CACNG2: variants seen among roughly 807,000 people sequenced by gnomAD.
CACNG2 encodes calcium voltage-gated channel auxiliary subunit gamma 2.
Under a neutral mutation model 25.9 loss-of-function variants are expected in CACNG2, and 3 were observed. The ratio of observed to expected loss-of-function variants is 0.12; its 90% confidence interval spans 0.05 to 0.30. The LOEUF (loss-of-function observed/expected upper bound fraction) is 0.30. Among genes scored for constraint, CACNG2 ranks in the 10% least tolerant of loss-of-function variants. The pLI, the probability that CACNG2 is intolerant of heterozygous loss-of-function variation, is 1.00. For missense variants in CACNG2, 341 were observed against 432.5 expected, an observed-to-expected ratio of 0.79 and a Z score of 1.88; for synonymous variants, 167 against 173.3, an observed-to-expected ratio of 0.96 and a Z score of 0.29.
chr22:36,610,227 A>G (rs1935917408), intron 1 of CACNG2, among the ~76,000 whole-genome samples: 1 of 150,784 alleles, frequency 6.6e-6, no homozygotes, highest in Non-Finnish European at 1.5e-5. Flanking sequence ...GTGATTGGGC[A>G]GGAATCAGCT....
intron 2 of CACNG2, among the ~76,000 whole-genome samples, chr22:36,568,321 G>A (rs910435063): frequency 1.3e-5 from 2 of 148,950 alleles, no homozygotes; most frequent in African/African-American, 5.2e-5. Flanking sequence ...CTTTTGGGTG[G>A]GAGTGTGTTC....
rs2145903866 is a variant in CACNG2 at position 36,564,888 on chromosome 22, TGCGGG to T, written c.437-7_437-3del. On this transcript the variant is annotated splice_region_variant and splice_polypyrimidine_tract_variant and intron_variant, in intron 3 of 3. Coordinates refer to ENST00000300105, the MANE Select transcript of CACNG2 (RefSeq NM_006078.5). This position sits in a 1 kb window ranked among gnomAD's most constrained non-coding sequence, Gnocchi z 6.7. ...TGATGCCAATGATGTTACTCAGACCTGCGGGGCGCAGGGTGGCGGGGTGGGGGATC... is the reference window on the plus strand; with the variant it reads ...TGATGCCAATGATGTTACTCAGACCTGCGCAGGGTGGCGGGGTGGGGGATC... 6.2e-7 allele frequency: 1 copy of T among 1,610,866 alleles called. No individual in the cohort carries two copies. The highest frequency in any genetic ancestry group is 1.1e-5 in the South Asian group (1 of 91,002).
rs539421599 is a variant in CACNG2 at position 36,645,044 on chromosome 22, T to C, written c.211+57322A>G. Among the ~76,000 whole-genome samples, 6 of 152,326 alleles carry C rather than the reference T, an allele frequency of 3.9e-5. No homozygotes were observed. The South Asian group carries it at 1.2e-3, about 32-fold the overall frequency. ...GCACCACATCCAATTCTCTGTTGCATCTCAGAATTCTAAGTCCTTCATTAA... is the reference window on the plus strand; with the variant it reads ...GCACCACATCCAATTCTCTGTTGCACCTCAGAATTCTAAGTCCTTCATTAA... On this transcript the variant is annotated intron_variant, in intron 1 of 3. Coordinates refer to ENST00000300105, the MANE Select transcript of CACNG2 (RefSeq NM_006078.5).
At chr22:36,661,490 G>T (rs1936794271) in intron 1 of CACNG2, among the ~76,000 whole-genome samples, 1 of 152,104 alleles carries the variant, frequency 6.6e-6, no homozygotes. Flanking sequence ...AACCGTGTGG[G>T]GCCTAGGGTG....
At chr22:36,595,323 G>A (rs145620496) in intron 1 of CACNG2, among the ~76,000 whole-genome samples, 4 of 152,292 alleles carry the variant, frequency 2.6e-5, no homozygotes, top group East Asian at 1.9e-4. Context: ...TGTGCGGGCC[G>A]GCTCGCCCCT....
intron 1 of CACNG2, among the ~76,000 whole-genome samples, chr22:36,643,878 T>A (rs182081971): frequency 6.6e-6 from 1 of 152,238 alleles, no homozygotes; most frequent in Non-Finnish European, 1.5e-5. Flanking sequence ...ATTTTACAGA[T>A]GAAAAAACTG....
chr22:36,586,074 G>C (rs956557911), intron 2 of CACNG2, among the ~76,000 whole-genome samples: 3 of 152,266 alleles, frequency 2.0e-5, no homozygotes, highest in African/African-American at 7.2e-5. Flanking sequence ...GGCTTTGCCT[G>C]CTGGCTTCCC....
chr22:36,586,587 C>T (rs1935505829), intron 2 of CACNG2, among the ~76,000 whole-genome samples: 1 of 152,300 alleles, frequency 6.6e-6, no homozygotes, highest in Middle Eastern at 3.4e-3. Context: ...TAATAAAATG[C>T]CTCCTACATG....
At chr22:36,585,514 T>C (rs1357847381) in intron 2 of CACNG2, 4 of 152,232 alleles carry the variant, frequency 2.6e-5, no homozygotes. Flanking sequence ...CTATACCAAA[T>C]GAAGCCTGCT....
intron 1 of CACNG2, among the ~76,000 whole-genome samples, chr22:36,664,202 A>G (rs1936840729): frequency 6.6e-6 from 1 of 151,876 alleles, no homozygotes; most frequent in Non-Finnish European, 1.5e-5. Context: ...TATAGTAAGG[A>G]TTTAAGAGCC....
At chr22:36,625,115 T>C (rs1351357216) in intron 1 of CACNG2, among the ~76,000 whole-genome samples, 1 of 149,258 alleles carries the variant, frequency 6.7e-6, no homozygotes, top group Non-Finnish European at 1.5e-5. Context: ...ATGTAAAAGG[T>C]GTCAATAAGG....
intron 1 of CACNG2, among the ~76,000 whole-genome samples, chr22:36,684,497 T>C (rs925586037): frequency 6.6e-6 from 1 of 151,746 alleles, no homozygotes; most frequent in Non-Finnish European, 1.5e-5. Context: ...ACCCCTGTAG[T>C]CTCAGCTCCT....
chr22:36,665,021 C>T (rs1936855808), intron 1 of CACNG2, among the ~76,000 whole-genome samples: 1 of 152,086 alleles, frequency 6.6e-6, no homozygotes, highest in Non-Finnish European at 1.5e-5. Flanking sequence ...GCTAGAAGGA[C>T]CTCAGGATGG....
At chr22:36,687,911 T>TGCAG (rs1405149681) in intron 1 of CACNG2, among the ~76,000 whole-genome samples, 1 of 152,144 alleles carries the variant, frequency 6.6e-6, no homozygotes, top group Non-Finnish European at 1.5e-5. Flanking sequence ...CCGGAAGGAA[T>TGCAG]GCAGCCCTGC....
At chr22:36,607,812 C>T (rs1042656071) in intron 1 of CACNG2, among the ~76,000 whole-genome samples, 2 of 152,192 alleles carry the variant, frequency 1.3e-5, no homozygotes, top group Admixed American at 1.3e-4. Context: ...AGATCCAAAA[C>T]TCTCATCTTC....
rs11449173 is a variant in CACNG2 at position 36,563,914 on chromosome 22, ATT to A, written c.*435_*436del. On this transcript the variant is annotated 3_prime_UTR_variant, in exon 4 of 4. Coordinates refer to ENST00000300105, the MANE Select transcript of CACNG2 (RefSeq NM_006078.5). ...GACATCCCCTTTCCTTTCTGTTCTC[ATT>A]TTTTTTTTTTTTGCTTTAATGTTAT... 0.049 allele frequency: 6,564 copies of A among 135,096 alleles called. 457 individuals are homozygous for A. The highest frequency in any genetic ancestry group is 0.16 in the African/African-American group (5,987 of 37,086). The allele number at this position is 135,096 out of a possible 1,614,324, so 8.4% of individuals were successfully genotyped here.
chr22:36,600,883 T>C (rs1935745700), intron 1 of CACNG2, among the ~76,000 whole-genome samples: 1 of 152,084 alleles, frequency 6.6e-6, no homozygotes, highest in Non-Finnish European at 1.5e-5. Context: ...TGTGTATACT[T>C]TAAGGTATCC....
intron 2 of CACNG2, among the ~76,000 whole-genome samples, chr22:36,577,261 G>A (rs988481113): frequency 2.6e-5 from 4 of 152,268 alleles, no homozygotes; most frequent in Admixed American, 6.5e-5. Flanking sequence ...GTCTCTCACC[G>A]GGCTTTGGGT....
intron 1 of CACNG2, among the ~76,000 whole-genome samples, chr22:36,595,654 T>TCACTGCCCGCTGTCCCCTCAGG (rs1935667978): frequency 6.6e-6 from 1 of 152,156 alleles, no homozygotes. Flanking sequence ...TGCAGGGGTC[T>TCACTGCCCGCTGTCCCCTCAGG]CACTGCCCGC....
Sources: gnomAD v4.1 joint callset for allele counts (sites outside exome capture counted in the v4.1 genomes callset) on GRCh38, gnomAD v4.1.1 for gene constraint, Gnocchi (gnomAD v3.1) non-coding constraint, MANE v1.5 for transcripts, NCBI Gene and HGNC (gene_info 2026-07-23, HGNC 2026-07-21) for gene names.